The following GIT2 variants were observed in gnomAD, a reference collection of about 807,000 sequenced individuals.
GIT2 encodes the protein GIT ArfGAP 2.
A neutral mutation model predicts 100.3 loss-of-function variants in GIT2; 32 were observed. The ratio of observed to expected loss-of-function variants is 0.32; its 90% CI spans 0.24 to 0.43. The LOEUF is 0.43. Ranked by LOEUF, GIT2 falls within the 20% of genes least tolerant of loss-of-function variation. GIT2 has a pLI of 1.00. For missense variants in GIT2, 737 were observed against 975.1 expected (o/e 0.76, Z 3.25); for synonymous variants, 353 against 364.1 (o/e 0.97, Z 0.35).
intron 7 of GIT2, among the ~76,000 whole-genome samples, chr12:109,972,817 T>C (rs1884220069): frequency 1.3e-5 from 2 of 152,040 alleles, no homozygotes; most frequent in Non-Finnish European, 2.9e-5. Context: ...CTTGGTTATG[T>C]TGCATTTTTC....
At chr12:109,961,733 G>T in intron 9 of GIT2, 48 bp from the exon 10 acceptor site, 1 of 1,126,952 alleles carries the variant, frequency 8.9e-7, no homozygotes, top group Non-Finnish European at 1.4e-6. Context: ...ATTAATGCCA[G>T]GAGGACAAGA....
rs565695832 is a variant in GIT2, at chr12:109,971,066, G to A, written c.719-3563C>T. On this transcript the variant is annotated intron_variant, in intron 7 of 19. Transcript: ENST00000355312. ...CTCCCAAAGTGCTGGGATTACAGGC[G>A]TAAGCCACTATACCTGGCCTCCATT... 4.6e-5 allele frequency among the ~76,000 whole-genome samples: 7 copies of A among 152,312 alleles called. No homozygotes were observed. In the South Asian group the frequency reaches 1.2e-3, roughly 27 times the overall value.
intron 12 of GIT2, chr12:109,954,108 A>AC (rs1298663498): frequency 6.6e-6 from 1 of 152,048 alleles, no homozygotes; most frequent in Non-Finnish European, 1.5e-5. Flanking sequence ...GGAGATCGAA[A>AC]CCATCCTGGT....
intron 12 of GIT2, among the ~76,000 whole-genome samples, chr12:109,958,761 GC>G (rs1196040689): frequency 6.6e-6 from 1 of 152,136 alleles, no homozygotes; most frequent in Non-Finnish European, 1.5e-5. Flanking sequence ...TATTTCTTTT[GC>G]TTAAATGACT....
At chr12:109,984,968 GA>G (rs1887054667) in intron 4 of GIT2, among the ~76,000 whole-genome samples, 1 of 152,064 alleles carries the variant, frequency 6.6e-6, no homozygotes. Context: ...TTCAGGGTAG[GA>G]AAAGGCCCGT....
chr12:109,955,759 G>A (rs1458649251), intron 12 of GIT2, among the ~76,000 whole-genome samples: 1 of 152,106 alleles, frequency 6.6e-6, no homozygotes, highest in Non-Finnish European at 1.5e-5. Context: ...TGTCACCCAG[G>A]CTGGAGTGCA....
At chr12:109,952,692 CAT>C in intron 13 of GIT2, 2 of 500,180 alleles carry the variant, frequency 4.0e-6, no homozygotes, top group Non-Finnish European at 8.0e-6. Flanking sequence ...TGCTCCCAGC[CAT>C]AGATTCTCTC....
At chr12:109,985,712 G>A (rs1209545572) in intron 4 of GIT2, among the ~76,000 whole-genome samples, 4 of 152,106 alleles carry the variant, frequency 2.6e-5, no homozygotes, top group Non-Finnish European at 4.4e-5. Flanking sequence ...AATTAGCCGG[G>A]CATGGTGGTG....
At chr12:109,968,244 A>G (rs1347185971) in intron 7 of GIT2, among the ~76,000 whole-genome samples, 1 of 152,004 alleles carries the variant, frequency 6.6e-6, no homozygotes, top group Admixed American at 6.6e-5. Flanking sequence ...CTGTACTTTC[A>G]GTTTTTGTTT....
At position 109,932,966 on chromosome 12, in the gene GIT2, G is replaced by T; in HGVS notation, c.*12C>A. 6.6e-7 allele frequency: 1 copy of T among 1,520,932 alleles called. No individual in the cohort carries two copies. Among genetic ancestry groups the T allele is most frequent in the Non-Finnish European group, 9.1e-7 (1 of 1,095,908 alleles). 94.2% of individuals were successfully genotyped at this position (1,520,932 alleles called of 1,614,324 possible). A position where few individuals can be genotyped will look rare whatever the true frequency, so the allele number is the denominator to read the frequency against. ...AAGCCTAGAAAACAGAGGAGGCGGT[G>T]CCCTGCCCTTGTCAGTTGTTGTTCT... On this transcript the variant is annotated 3_prime_UTR_variant, in exon 20 of 20. Transcript: ENST00000355312.
chr12:109,991,627 C>T lies in GIT2; in HGVS notation c.186G>A (p.Gln62=). 1 of 1,611,724 alleles carries T rather than the reference C, an allele frequency of 6.2e-7. No individual in the cohort carries two copies. The highest frequency in any genetic ancestry group is 8.5e-7 in the Non-Finnish European group (1 of 1,178,248). The change falls in exon 2 of 20, where the codon CAG becomes CAA. Residue 62 remains glutamine, a splice_region_variant and synonymous_variant. Transcript: ENST00000355312. ...KHTPWPPTLL[Q]MVETLYNNGA... Reference sequence around the variant, plus strand: ...TGTCAGGAGAATTCTTATCCTTTACCTGAAGCAGTGTTGGAGGCCACGGTG... The same window carrying T: ...TGTCAGGAGAATTCTTATCCTTTACTTGAAGCAGTGTTGGAGGCCACGGTG...
At chr12:109,955,347 C>T (rs574947573) in intron 12 of GIT2, among the ~76,000 whole-genome samples, 22 of 152,270 alleles carry the variant, frequency 1.4e-4, no homozygotes, top group Middle Eastern at 3.4e-3. Flanking sequence ...AGGAAGGTCT[C>T]GATCTTCTGA....
intron 13 of GIT2, chr12:109,952,510 AC>A (rs781017880): frequency 2.9e-5 from 15 of 517,710 alleles, no homozygotes; most frequent in South Asian, 2.1e-4. Context: ...CGGGTGTCAT[AC>A]CCCTCCTGCT....
rs970492712 is a variant in GIT2, at chr12:109,962,222, G to A, written c.817-537C>T. Among the ~76,000 whole-genome samples, 1 of 152,100 alleles carries A rather than the reference G, an allele frequency of 6.6e-6. No homozygotes were observed. Among genetic ancestry groups the A allele is most frequent in the Admixed American group, 6.5e-5 (1 of 15,268 alleles). Reference sequence around the variant, plus strand: ...ACAAAAACTAGCTGGGCGTGGTGGTGCACACTTGTAGTGCCAACTACTCAG... The same window carrying A: ...ACAAAAACTAGCTGGGCGTGGTGGTACACACTTGTAGTGCCAACTACTCAG... On this transcript the variant is annotated intron_variant, in intron 9 of 19. Transcript: ENST00000355312. The surrounding 1 kb of genome is among the most constrained non-coding windows in gnomAD (Gnocchi z 4.3).
At chr12:109,938,801 G>A (rs1873768061) in intron 17 of GIT2, 1 of 522,086 alleles carries the variant, frequency 1.9e-6, no homozygotes. Context: ...GAAAAGGGAG[G>A]GAAATACCTG....
Position 109,933,281 on chromosome 12 carries a change from C to T in GIT2, c.2068-91G>A. 1 of 769,204 alleles carries T rather than the reference C, an allele frequency of 1.3e-6. No homozygotes were observed. Among genetic ancestry groups the T allele is most frequent in the Non-Finnish European group, 2.2e-6 (1 of 457,340 alleles). 47.6% of individuals were successfully genotyped at this position (769,204 alleles called of 1,614,324 possible). On this transcript the variant is annotated intron_variant, in intron 19 of 19. Transcript: ENST00000355312. The surrounding 1 kb of genome is among the most constrained non-coding windows in gnomAD (Gnocchi z 4.5). The stretch of plus-strand genomic sequence containing the variant: ...CATTCTTCTAAAGCAAACCAAGCTG[C>T]TCCCCAGAGTGAAAGGCGGTTTGGT...
chr12:109,981,514 G>A (rs1886319983), intron 6 of GIT2: 1 of 159,718 alleles, frequency 6.3e-6, no homozygotes, highest in Non-Finnish European at 1.4e-5. Context: ...TGATGCTGAT[G>A]CAGCCAGTCT....
upstream of GIT2, chr12:109,998,167 A>C (rs1202412570): frequency 3.9e-5 from 6 of 152,270 alleles, no homozygotes; most frequent in Non-Finnish European, 8.8e-5. Context: ...CCTCAGAAGC[A>C]CTGGTCTTGA....
chr12:109,969,434 T>A (rs1028485647), intron 7 of GIT2, among the ~76,000 whole-genome samples: 2 of 152,224 alleles, frequency 1.3e-5, no homozygotes, highest in Non-Finnish European at 2.9e-5. Flanking sequence ...CCCAAAGTGC[T>A]GGGATTACAG....
Sources: allele counts gnomAD v4.1 joint callset (sites outside exome capture counted in the v4.1 genomes callset), GRCh38; gene constraint gnomAD v4.1.1; non-coding constraint Gnocchi (gnomAD v3.1); transcripts MANE v1.5; gene names NCBI Gene and HGNC (gene_info 2026-07-23, HGNC 2026-07-21).